Variants in NELL2 observed in about 807,000 individuals in gnomAD.
NELL2 encodes the protein protein kinase C-binding protein NELL2.
NELL2 carries 41 observed loss-of-function variants against 109.6 expected under a neutral mutation model. The ratio of observed to expected loss-of-function variants is 0.37; its 90% CI spans 0.29 to 0.49. The LOEUF (loss-of-function observed/expected upper bound fraction) is 0.49, where lower values mean the gene tolerates loss of function less well. Among genes scored for constraint, NELL2 ranks in the 20% least tolerant of loss-of-function variants. NELL2 has a pLI of 0.98. For missense variants in NELL2, 900 were observed against 1,008.3 expected (o/e 0.89, Z 1.45); for synonymous variants, 355 against 344.7 (o/e 1.03, Z -0.33).
chr12:44,915,621 T>C (rs538737196), upstream of NELL2, among the ~76,000 whole-genome samples: 2 of 152,286 alleles, frequency 1.3e-5, no homozygotes, highest in Non-Finnish European at 2.9e-5. Context: ...TGGAAGTAAA[T>C]GGAGATTAAA....
intron 9 of NELL2, among the ~76,000 whole-genome samples, chr12:44,718,069 T>C (rs1432197769): frequency 1.3e-5 from 2 of 152,056 alleles, no homozygotes; most frequent in Admixed American, 1.3e-4. Context: ...AACAAAAGAT[T>C]TGAAAGAGAA....
At chr12:44,810,023 A>G (rs533772212) in intron 3 of NELL2, among the ~76,000 whole-genome samples, 1 of 152,054 alleles carries the variant, frequency 6.6e-6, no homozygotes, top group Non-Finnish European at 1.5e-5. Context: ...TGCTAGAGTT[A>G]AGGACATTTC....
intron 9 of NELL2, among the ~76,000 whole-genome samples, chr12:44,766,489 C>G (rs1233963632): frequency 2.6e-5 from 4 of 152,130 alleles, no homozygotes. Flanking sequence ...TCATTCTTGC[C>G]TATTCTTACT....
At chr12:44,660,541 A>G (rs1246706029) in intron 13 of NELL2, among the ~76,000 whole-genome samples, 1 of 152,178 alleles carries the variant, frequency 6.6e-6, no homozygotes, top group Non-Finnish European at 1.5e-5. Flanking sequence ...GTATAACCAA[A>G]AATATCTCCA....
At chr12:44,913,756 G>A (rs1221848445) in intron 1 of NELL2, 2 of 746,028 alleles carry the variant, frequency 2.7e-6, no homozygotes, top group Non-Finnish European at 4.2e-6. Flanking sequence ...TTAAAATGGT[G>A]TTCAGAGTTA....
intron 15 of NELL2, among the ~76,000 whole-genome samples, chr12:44,561,960 A>G (rs997951041): frequency 1.3e-5 from 2 of 152,238 alleles, no homozygotes; most frequent in African/African-American, 4.8e-5. Context: ...TGAGACTTGT[A>G]CCAAAACAGA....
At chr12:44,742,476 G>C (rs548142099) in intron 9 of NELL2, among the ~76,000 whole-genome samples, 1 of 152,344 alleles carries the variant, frequency 6.6e-6, no homozygotes, top group South Asian at 2.1e-4. Context: ...TTGACGAGTT[G>C]AGAGAAGAAG....
chr12:44,729,899 T>C (rs1939281348), intron 9 of NELL2, among the ~76,000 whole-genome samples: 1 of 152,138 alleles, frequency 6.6e-6, no homozygotes, highest in African/African-American at 2.4e-5. Context: ...GTTCAATCTA[T>C]TCTGCCTCAG....
intron 13 of NELL2, among the ~76,000 whole-genome samples, chr12:44,621,750 G>T (rs1265247090): frequency 6.6e-6 from 1 of 151,242 alleles, no homozygotes; most frequent in Non-Finnish European, 1.5e-5. Flanking sequence ...AAATTAATAA[G>T]AAAAAACAAA....
At chr12:44,535,775 G>A (rs1942268844) in intron 15 of NELL2, among the ~76,000 whole-genome samples, 1 of 151,848 alleles carries the variant, frequency 6.6e-6, no homozygotes, top group Non-Finnish European at 1.5e-5. Context: ...GTAAATATGG[G>A]TATAAATGGT....
At position 44,905,062 on chromosome 12, in the gene NELL2, G is replaced by A. The variant is rs1488884390; in HGVS notation, c.38+8737C>T. ...TCATAAAAAAAACTTCTTTATCAGA[G>A]TGCTAGTGATGTAGATGTTCTTTTA... is the stretch of plus-strand genomic sequence containing the variant. On this transcript the variant is annotated intron_variant, in intron 1 of 20. Coordinates refer to the NELL2 transcript ENST00000333837. 7.9e-5 allele frequency among the ~76,000 whole-genome samples: 12 copies of A among 152,132 alleles called. No homozygotes were observed. In the East Asian group the frequency reaches 2.1e-3, roughly 27 times the overall value.
At chr12:44,768,250 T>A (rs925589452) in intron 9 of NELL2, among the ~76,000 whole-genome samples, 3 of 152,218 alleles carry the variant, frequency 2.0e-5, no homozygotes, top group Non-Finnish European at 4.4e-5. Context: ...ATTTTTCCAC[T>A]GATTGGACAT....
chr12:44,789,484 C>T (rs572764603), intron 3 of NELL2, among the ~76,000 whole-genome samples: 1 of 152,092 alleles, frequency 6.6e-6, no homozygotes, highest in East Asian at 1.9e-4. Flanking sequence ...AGGATTCAGC[C>T]CTAGACCTTC....
intron 15 of NELL2, among the ~76,000 whole-genome samples, chr12:44,539,854 G>A (rs1251328375): frequency 6.6e-6 from 1 of 152,202 alleles, no homozygotes; most frequent in Non-Finnish European, 1.5e-5. Flanking sequence ...CATGCTGAAT[G>A]AATAGACGAA....
chr12:44,884,273 A>G (rs1014714945), intron 1 of NELL2, among the ~76,000 whole-genome samples: 2 of 151,952 alleles, frequency 1.3e-5, no homozygotes, highest in African/African-American at 4.8e-5. Context: ...CACAATTAAG[A>G]CACAACAATC....
intron 2 of NELL2, among the ~76,000 whole-genome samples, chr12:44,874,575 G>GT (rs1450561760): frequency 6.6e-6 from 1 of 152,122 alleles, no homozygotes; most frequent in Non-Finnish European, 1.5e-5. Flanking sequence ...TTGTAAAATC[G>GT]TAAGTACACA....
At chr12:44,716,493 T>C (rs1938492198) in intron 9 of NELL2, among the ~76,000 whole-genome samples, 1 of 152,184 alleles carries the variant, frequency 6.6e-6, no homozygotes, top group South Asian at 2.1e-4. Context: ...TGAATTAAAA[T>C]GGTATGTGCA....
chr12:44,809,896 C>T (rs1943119084), intron 3 of NELL2, among the ~76,000 whole-genome samples: 1 of 151,986 alleles, frequency 6.6e-6, no homozygotes, highest in Admixed American at 6.6e-5. Flanking sequence ...ATTAGATATC[C>T]AGCATTAACA....
intron 13 of NELL2, among the ~76,000 whole-genome samples, chr12:44,631,103 TC>T (rs1946440975): frequency 6.6e-6 from 1 of 151,946 alleles, no homozygotes; most frequent in African/African-American, 2.4e-5. Flanking sequence ...TATACTGGCT[TC>T]TTTTGATTGC....
Sources: allele counts gnomAD v4.1 joint callset (sites outside exome capture counted in the v4.1 genomes callset), GRCh38; gene constraint gnomAD v4.1.1; transcripts MANE v1.5; gene names NCBI Gene and HGNC (gene_info 2026-07-23, HGNC 2026-07-21).